CPNE7: variants seen among roughly 807,000 people sequenced by gnomAD.
The protein encoded by CPNE7 is copine 7, also known as copine-7.
CPNE7 carries 78 observed loss-of-function variants against 66.5 expected under a neutral mutation model. That is an observed-to-expected ratio of 1.17 (90% CI 0.98 to 1.42). The LOEUF (loss-of-function observed/expected upper bound fraction) is 1.42, where lower values mean the gene tolerates loss of function less well. Among genes scored for constraint, CPNE7 ranks in the 40% most tolerant of loss-of-function variants. The pLI is 0.00. For synonymous variants in CPNE7, 468 were observed against 336.7 expected (o/e 1.39, Z -4.27); for missense variants, 1,012 against 776.6 (o/e 1.30, Z -3.60).
intron 2 of CPNE7, among the ~76,000 whole-genome samples, chr16:89,583,129 C>G (rs967944175): frequency 2.0e-5 from 3 of 152,222 alleles, no homozygotes; most frequent in African/African-American, 7.2e-5. Context: ...GGTCTAAGCC[C>G]CAGTCCACTT....
At position 89,575,912 on chromosome 16, in the gene CPNE7, G is replaced by T; in HGVS notation, c.15G>T (p.Ser5=). The T allele has an allele frequency of 8.0e-7, 1 of 1,244,920 alleles. No homozygotes were observed. Among genetic ancestry groups the T allele is most frequent in the African/African-American group, 1.6e-5 (1 of 64,040 alleles). 77.1% of individuals were successfully genotyped at this position (1,244,920 alleles called of 1,614,324 possible). The change falls in exon 1 of 15, where the codon TCG becomes TCT. Residue 5 remains serine (S), a synonymous_variant. Coordinates refer to ENST00000319518, the MANE Select transcript of CPNE7 (RefSeq NM_153636.3). ...ACGCCGGGAGCATGAGCGCGGGCTC[G>T]GAGCGCGGGGCGGCGGCAACCCCCG... The part of the protein sequence containing the change: MSAG[S]ERGAAATPGG...
chr16:89,588,138 C>T lies in CPNE7; in HGVS notation c.928-537C>T, dbSNP rs1196322612. Among the ~76,000 whole-genome samples, 18 of 110,416 alleles carry T rather than the reference C, an allele frequency of 1.6e-4. 3 individuals carry two copies. Among genetic ancestry groups the T allele is most frequent in the African/African-American group, 7.0e-4 (18 of 25,596 alleles). 72.4% of individuals were successfully genotyped at this position (110,416 alleles called of 152,430 possible). A position where few individuals can be genotyped will look rare whatever the true frequency, so the allele number is the denominator to read the frequency against. ...CACGGCCCCCGTGTCACCCGCGTGTCACCCACAGATACACGGCCCCCGTGT... is the reference window on the plus strand; with the variant it reads ...CACGGCCCCCGTGTCACCCGCGTGTTACCCACAGATACACGGCCCCCGTGT... On this transcript the variant is annotated intron_variant, in intron 9 of 14. Transcript: ENST00000319518.
chr16:89,596,013 C>T (rs116010510), intron 14 of CPNE7: 2 of 479,244 alleles, frequency 4.2e-6, no homozygotes, highest in South Asian at 1.6e-5. Context: ...TTCTACCAGG[C>T]AAGACACACA....
intron 2 of CPNE7, chr16:89,579,042 G>A (rs757793280): frequency 1.4e-6 from 2 of 1,464,564 alleles, no homozygotes; most frequent in Admixed American, 2.1e-5. Flanking sequence ...TGTAATCGCA[G>A]CACTTTGGAA....
At chr16:89,590,417 C>T (rs1277757309) in intron 11 of CPNE7, among the ~76,000 whole-genome samples, 8 of 151,918 alleles carry the variant, frequency 5.3e-5, no homozygotes, top group African/African-American at 1.2e-4. Context: ...CCCAGCTACT[C>T]GGGAGGCTGA....
chr16:89,583,967 C>T (rs1311002428), intron 3 of CPNE7, 61 bp from the exon 4 acceptor site: 36 of 1,580,366 alleles, frequency 2.3e-5, no homozygotes, highest in Admixed American at 3.6e-5. Flanking sequence ...GGCCTCTGGT[C>T]CCCCACGGTG....
At chr16:89,583,916 A>G in intron 3 of CPNE7, 112 bp from the exon 4 acceptor site, 2 of 1,454,488 alleles carry the variant, frequency 1.4e-6, no homozygotes, top group African/African-American at 1.4e-5. Flanking sequence ...GTACACAGAC[A>G]CCTCCTCTCA....
At chr16:89,583,368 G>C in intron 2 of CPNE7, 1 of 1,387,168 alleles carries the variant, frequency 7.2e-7, no homozygotes, top group Non-Finnish European at 1.0e-6. Context: ...CGCCACACCT[G>C]TGCAGGTGCA....
At chr16:89,590,895 C>G in intron 11 of CPNE7, 112 bp from the exon 12 acceptor site, 1 of 1,057,702 alleles carries the variant, frequency 9.5e-7, no homozygotes, top group Non-Finnish European at 1.3e-6. Context: ...GGGGGAGCAG[C>G]TGACTGGGGG....
At chr16:89,577,331 G>A (rs1415002021) in intron 1 of CPNE7, among the ~76,000 whole-genome samples, 1 of 152,206 alleles carries the variant, frequency 6.6e-6, no homozygotes, top group Non-Finnish European at 1.5e-5. Context: ...TGTGATCTGA[G>A]GGTGGAGCAG....
chr16:89,588,456 C>T (rs760857830), intron 9 of CPNE7, among the ~76,000 whole-genome samples: 10 of 152,118 alleles, frequency 6.6e-5, no homozygotes, highest in South Asian at 4.1e-4. Context: ...GGTGTCCTCC[C>T]GGAGATCCAG....
chr16:89,576,503 G>A (rs2058862305), intron 1 of CPNE7, among the ~76,000 whole-genome samples: 1 of 152,106 alleles, frequency 6.6e-6, no homozygotes, highest in Non-Finnish European at 1.5e-5. Flanking sequence ...GCGCGCTGGG[G>A]TGCGGACCTC....
Position 89,584,117 on chromosome 16 carries a change from C to G in CPNE7, c.507+15C>G. On this transcript the variant is annotated intron_variant, in intron 4 of 14. Coordinates refer to ENST00000319518, the MANE Select transcript of CPNE7 (RefSeq NM_153636.3). This position sits in a 1 kb window ranked among gnomAD's most constrained non-coding sequence, Gnocchi z 6.0. ...TGGACGACAAGGTGAGTGCAGGTGC[C>G]GGGCACGCCTGGCTCAGGCTGAGGT... is the stretch of plus-strand genomic sequence containing the variant. 1.2e-6 allele frequency: 2 copies of G among 1,605,130 alleles called. No homozygotes were observed. Among genetic ancestry groups the G allele is most frequent in the South Asian group, 1.1e-5 (1 of 90,440 alleles).
chr16:89,588,809 G>C lies in CPNE7; in HGVS notation c.1061+1G>C, dbSNP rs779487868. The C allele has an allele frequency of 3.1e-6, 5 of 1,612,982 alleles. No individual in the cohort carries two copies. The African/African-American group carries it at 6.7e-5, about 22-fold the overall frequency. Reference sequence around the variant, plus strand: ...GCGAGATCTGCCAGGACTATGACAGGTGCGCCCACCACCTTCCCCTCACCC... The same window carrying C: ...GCGAGATCTGCCAGGACTATGACAGCTGCGCCCACCACCTTCCCCTCACCC... On this transcript the variant is annotated splice_donor_variant, in intron 10 of 14. Transcript: ENST00000319518. LOFTEE classifies it high-confidence loss of function.
chr16:89,583,570 G>A (rs747093773), intron 2 of CPNE7, 127 bp from the exon 3 acceptor site: 2 of 1,599,842 alleles, frequency 1.3e-6, no homozygotes, highest in African/African-American at 1.3e-5. Context: ...GCCCTGGGCA[G>A]TGAAGCTCAT....
At position 89,588,635 on chromosome 16, in the gene CPNE7, CCCCGGCCCAGCACAGCTCCTGGCT is replaced by C. The variant is rs747324088; in HGVS notation, c.928-30_928-7del. The C allele has an allele frequency of 2.5e-6, 4 of 1,610,340 alleles. No individual in the cohort carries two copies. The highest frequency in any genetic ancestry group is 2.2e-5 in the East Asian group (1 of 44,836). On this transcript the variant is annotated splice_polypyrimidine_tract_variant and intron_variant, in intron 9 of 14. Coordinates refer to ENST00000319518, the MANE Select transcript of CPNE7 (RefSeq NM_153636.3). ...ACCTGTCAGGAGCGGGTTCGGGGAG[CCCCGGCCCAGCACAGCTCCTGGCT>C]CCCGGCCCACTGCAGGTGGCCATTG...
At chr16:89,578,781 AG>A in intron 2 of CPNE7, 1 of 1,375,654 alleles carries the variant, frequency 7.3e-7, no homozygotes, top group Non-Finnish European at 9.5e-7. Context: ...AAAAAAAAGA[AG>A]CCTCCTTGTG....
intron 2 of CPNE7, among the ~76,000 whole-genome samples, chr16:89,580,464 C>A (rs2058936116): frequency 7.0e-6 from 1 of 143,466 alleles, no homozygotes; most frequent in Admixed American, 6.9e-5. Context: ...CGGAACATCT[C>A]ACCCATCACA....
intron 2 of CPNE7, chr16:89,578,706 G>A (rs1219783864): frequency 8.4e-7 from 1 of 1,197,440 alleles, no homozygotes; most frequent in Non-Finnish European, 1.1e-6. Flanking sequence ...GTTGCAGTGA[G>A]TGGAGATCTC....
Sources: allele counts gnomAD v4.1 joint callset (sites outside exome capture counted in the v4.1 genomes callset), GRCh38; gene constraint gnomAD v4.1.1; non-coding constraint Gnocchi (gnomAD v3.1); transcripts MANE v1.5; gene names NCBI Gene and HGNC (gene_info 2026-07-23, HGNC 2026-07-21).